The following C7orf78 variants were observed in gnomAD, a reference collection of about 807,000 sequenced individuals.
C7orf78 encodes the protein chromosome 7 open reading frame 78.
chr7:12,495,889 T>A, the C7orf78 span, among the ~76,000 whole-genome samples: 1 of 152,212 alleles, frequency 6.6e-6, no homozygotes, highest in Non-Finnish European at 1.5e-5. Context: ...CCACAACTTG[T>A]TGCGTTCCCA....
the C7orf78 span, among the ~76,000 whole-genome samples, chr7:12,513,689 C>T: frequency 6.6e-6 from 1 of 152,062 alleles, no homozygotes; most frequent in African/African-American, 2.4e-5. Flanking sequence ...AAGACTGTTC[C>T]AAGTGCTGAT....
chr7:12,514,475 C>G, the C7orf78 span, among the ~76,000 whole-genome samples: 1,368 of 151,870 alleles, frequency 9.0e-3, 19 homozygotes, highest in African/African-American at 0.031. Context: ...ATAGTTGAAT[C>G]ATGTTTTTGT....
At chr7:12,530,736 C>T in the C7orf78 span, among the ~76,000 whole-genome samples, 16 of 152,050 alleles carry the variant, frequency 1.1e-4, no homozygotes, top group Non-Finnish European at 1.5e-4. Flanking sequence ...TTGGAAATCA[C>T]GAGAAGTTTA....
chr7:12,494,197 G>A, the C7orf78 span, among the ~76,000 whole-genome samples: 1 of 152,288 alleles, frequency 6.6e-6, no homozygotes, highest in South Asian at 2.1e-4. Flanking sequence ...AAAGTGAGGA[G>A]AGAAGGCAAT....
At chr7:12,530,932 A>T in the C7orf78 span, 1 of 397,340 alleles carries the variant, frequency 2.5e-6, no homozygotes, top group Non-Finnish European at 4.4e-6. Context: ...AAGATTATTA[A>T]ACAGCAAATT....
chr7:12,516,263 G>A, the C7orf78 span, among the ~76,000 whole-genome samples: 73 of 152,368 alleles, frequency 4.8e-4, 1 homozygote, highest in South Asian at 0.014. Flanking sequence ...TGGCTTCAGA[G>A]GGTGCAAGCC....
At chr7:12,541,598 G>T in the C7orf78 span, 1 of 151,156 alleles carries the variant, frequency 6.6e-6, no homozygotes, top group African/African-American at 2.4e-5. Context: ...CCTAGAAATA[G>T]ATTTTATTTT....
the C7orf78 span, among the ~76,000 whole-genome samples, chr7:12,526,174 A>T: frequency 6.6e-6 from 1 of 152,104 alleles, no homozygotes; most frequent in East Asian, 1.9e-4. Context: ...TAAACTCTGG[A>T]GCCCAGCTGT....
the C7orf78 span, among the ~76,000 whole-genome samples, chr7:12,509,359 G>C: frequency 6.6e-6 from 1 of 152,158 alleles, no homozygotes; most frequent in Admixed American, 6.5e-5. Flanking sequence ...AAGATCTTAC[G>C]ATAGAACTAG....
At chr7:12,542,153 T>C in the C7orf78 span, 2 of 152,266 alleles carry the variant, frequency 1.3e-5, no homozygotes, top group South Asian at 2.1e-4. Context: ...AATTTCACTA[T>C]GAAAACTACT....
the C7orf78 span, among the ~76,000 whole-genome samples, chr7:12,501,496 A>G: frequency 6.6e-6 from 1 of 151,768 alleles, no homozygotes; most frequent in Non-Finnish European, 1.5e-5. Context: ...TTCAAAGAGA[A>G]TAAAATACCT....
At chr7:12,496,731 C>T in the C7orf78 span, 2 of 152,106 alleles carry the variant, frequency 1.3e-5, no homozygotes, top group Non-Finnish European at 2.9e-5. Flanking sequence ...TAACAGTGAA[C>T]TAAACATAAG....
the C7orf78 span, among the ~76,000 whole-genome samples, chr7:12,537,078 G>A: frequency 6.6e-6 from 1 of 152,136 alleles, no homozygotes; most frequent in African/African-American, 2.4e-5. Context: ...TCTGGTATCT[G>A]TTCAGCAGCA....
chr7:12,498,183 T>C, the C7orf78 span, among the ~76,000 whole-genome samples: 11 of 151,932 alleles, frequency 7.2e-5, no homozygotes, highest in Non-Finnish European at 1.5e-4. Flanking sequence ...GCGCCTCTCC[T>C]CCTCCAAAGG....
At chr7:12,505,582 G>C in the C7orf78 span, among the ~76,000 whole-genome samples, 1 of 152,126 alleles carries the variant, frequency 6.6e-6, no homozygotes, top group South Asian at 2.1e-4. Context: ...ATTGAATGCA[G>C]ATAAAGCCAT....
At chr7:12,539,155 T>A in the C7orf78 span, among the ~76,000 whole-genome samples, 1 of 152,192 alleles carries the variant, frequency 6.6e-6, no homozygotes, top group African/African-American at 2.4e-5. Context: ...AGGGTAGTGA[T>A]GCCTCCTTTA....
the C7orf78 span, among the ~76,000 whole-genome samples, chr7:12,517,937 G>A: frequency 6.6e-6 from 1 of 152,024 alleles, no homozygotes; most frequent in South Asian, 2.1e-4. Flanking sequence ...TCCTTTGGGG[G>A]TGTCATATTT....
At chr7:12,496,745 G>A in the C7orf78 span, 1 of 152,196 alleles carries the variant, frequency 6.6e-6, no homozygotes, top group East Asian at 1.9e-4. Flanking sequence ...ACATAAGTAG[G>A]TATTTGTATA....
At chr7:12,504,509 T>G in the C7orf78 span, 2 of 152,166 alleles carry the variant, frequency 1.3e-5, no homozygotes, top group African/African-American at 4.8e-5. Flanking sequence ...CTGAGATATA[T>G]TACTCTAAAA....
Sources: allele counts gnomAD v4.1 joint callset (sites outside exome capture counted in the v4.1 genomes callset), GRCh38; gene constraint gnomAD v4.1.1; transcripts MANE v1.5; gene names NCBI Gene and HGNC (gene_info 2026-07-23, HGNC 2026-07-21).